The following GNB5 variants were observed in gnomAD, a reference collection of about 807,000 sequenced individuals.
GNB5 encodes the protein guanine nucleotide-binding protein subunit beta-5.
GNB5 carries 37 observed loss-of-function variants against 55.3 expected under a neutral mutation model. The observed-to-expected ratio is 0.67, with a 90% CI of 0.51 to 0.88. The LOEUF is 0.88. Ranked by LOEUF, GNB5 falls within the 40% of genes least tolerant of loss-of-function variation. The probability of loss-of-function intolerance (pLI) is 0.00; values close to 1 mark genes in which losing one functional copy is unlikely to be tolerated. For missense variants in GNB5, 476 were observed against 515.3 expected, an observed-to-expected ratio of 0.92 and a Z score of 0.74; for synonymous variants, 219 against 198.5, an observed-to-expected ratio of 1.10 and a Z score of -0.87.
At chr15:52,181,482 G>A (rs977015624) in intron 2 of GNB5, among the ~76,000 whole-genome samples, 1 of 152,122 alleles carries the variant, frequency 6.6e-6, no homozygotes, top group Non-Finnish European at 1.5e-5. Context: ...CGGGCGTGGT[G>A]GTACGTGCCT....
chr15:52,115,492 C>T lies in GNB5; in HGVS notation c.*7265G>A, dbSNP rs2033129883. 2 of 152,188 alleles carry T rather than the reference C, an allele frequency of 1.3e-5. No individual in the cohort carries two copies. Among genetic ancestry groups the T allele is most frequent in the African/African-American group, 2.4e-5 (1 of 41,444 alleles). The allele number at this position is 152,188 out of a possible 1,614,324, so 9.4% of individuals were successfully genotyped here. On this transcript the variant is annotated 3_prime_UTR_variant, in exon 13 of 13. Coordinates refer to ENST00000261837, the MANE Select transcript of GNB5 (RefSeq NM_016194.4). ...ATCGGTATATACAAAGTGCTTAGCACAGTACCTGGCACACAGTAAAAGGTT... is the reference window on the plus strand; with the variant it reads ...ATCGGTATATACAAAGTGCTTAGCATAGTACCTGGCACACAGTAAAAGGTT...
At chr15:52,168,949 C>T (rs936647523) in intron 3 of GNB5, among the ~76,000 whole-genome samples, 1 of 152,222 alleles carries the variant, frequency 6.6e-6, no homozygotes, top group African/African-American at 2.4e-5. Flanking sequence ...CCCTTCCTTA[C>T]ACCTTATACA....
At chr15:52,158,950 T>C (rs1256895351) in intron 3 of GNB5, among the ~76,000 whole-genome samples, 1 of 152,062 alleles carries the variant, frequency 6.6e-6, no homozygotes, top group Non-Finnish European at 1.5e-5. Flanking sequence ...GAAGCTTCTG[T>C]CCCAGAGGGT....
rs1198802495 is a variant in GNB5, at chr15:52,174,856, TG to T, written c.238+4911del. 2.6e-5 allele frequency among the ~76,000 whole-genome samples: 4 copies of T among 151,328 alleles called. No individual in the cohort carries two copies. In the East Asian group the frequency reaches 7.8e-4, roughly 29 times the overall value. ...CAGAACTTTGGGAGGCTGAGGCGGG[TG>T]GATCACCTAAAGTCAGGAGTTCGAG... On this transcript the variant is annotated intron_variant, in intron 3 of 12. Coordinates refer to ENST00000261837, the MANE Select transcript of GNB5 (RefSeq NM_016194.4).
intron 8 of GNB5, among the ~76,000 whole-genome samples, chr15:52,134,254 A>G (rs1291122856): frequency 6.6e-6 from 1 of 152,232 alleles, no homozygotes; most frequent in Non-Finnish European, 1.5e-5. Context: ...TAAGTAGTAG[A>G]ATGTGGACTC....
intron 3 of GNB5, among the ~76,000 whole-genome samples, chr15:52,156,181 T>C (rs2034203839): frequency 6.6e-6 from 1 of 152,242 alleles, no homozygotes; most frequent in Non-Finnish European, 1.5e-5. Context: ...ACTAATACTA[T>C]TGACTTTGAT....
At chr15:52,135,823 G>T in intron 7 of GNB5, 67 bp from the exon 8 acceptor site, 2 of 1,514,800 alleles carry the variant, frequency 1.3e-6, no homozygotes. Context: ...CAGTCAATCA[G>T]AGGCTTAACG....
At chr15:52,181,181 CTCTA>C (rs1332324342) in intron 2 of GNB5, 4 of 152,266 alleles carry the variant, frequency 2.6e-5, no homozygotes, top group African/African-American at 7.2e-5. Flanking sequence ...CCCGGGCCTT[CTCTA>C]TCTGAGAAAA....
chr15:52,163,902 C>G (rs1039395830), intron 3 of GNB5, among the ~76,000 whole-genome samples: 3 of 152,154 alleles, frequency 2.0e-5, no homozygotes, highest in African/African-American at 7.2e-5. Context: ...TGCTGTTTTG[C>G]AGCCTTCACT....
At chr15:52,141,053 A>C in intron 7 of GNB5, 87 bp downstream of exon 7, 2 of 1,147,418 alleles carry the variant, frequency 1.7e-6, no homozygotes, top group South Asian at 2.6e-5. Flanking sequence ...CATCTTGTTC[A>C]GAGAGACGCC....
chr15:52,127,980 A>G (rs1054566760), intron 10 of GNB5, among the ~76,000 whole-genome samples: 1 of 152,206 alleles, frequency 6.6e-6, no homozygotes, highest in African/African-American at 2.4e-5. Context: ...CCAAATTATA[A>G]AGCATTTTGT....
chr15:52,166,713 T>C (rs2034458372), intron 3 of GNB5, among the ~76,000 whole-genome samples: 1 of 152,140 alleles, frequency 6.6e-6, no homozygotes, highest in African/African-American at 2.4e-5. Context: ...TAGCACTAAA[T>C]GTCTATATTA....
intron 8 of GNB5, among the ~76,000 whole-genome samples, chr15:52,134,199 G>A (rs1218095076): frequency 6.6e-6 from 1 of 152,216 alleles, no homozygotes; most frequent in Non-Finnish European, 1.5e-5. Context: ...CAAGGCTCTG[G>A]GAGTAGTTTG....
chr15:52,146,147 C>T (rs897310219), intron 6 of GNB5, among the ~76,000 whole-genome samples: 7 of 151,866 alleles, frequency 4.6e-5, no homozygotes, highest in Non-Finnish European at 8.8e-5. Context: ...TTAGTAGAGA[C>T]GGGGTTTCAC....
chr15:52,190,501 A>G (rs896914528), intron 1 of GNB5, among the ~76,000 whole-genome samples: 3 of 152,330 alleles, frequency 2.0e-5, no homozygotes, highest in East Asian at 1.9e-4. Context: ...ACATATAAAA[A>G]GGTGCTCATT....
chr15:52,133,291 T>C, intron 9 of GNB5, 87 bp downstream of exon 9: 1 of 867,790 alleles, frequency 1.2e-6, no homozygotes, highest in Non-Finnish European at 1.9e-6. Context: ...GTAAACTGAG[T>C]CTGGAGGCGG....
intron 7 of GNB5, chr15:52,139,726 CAGGCCGCGTCCCCGCCGAGGT>C: frequency 9.3e-7 from 1 of 1,080,998 alleles, no homozygotes; most frequent in Non-Finnish European, 1.2e-6. Context: ...CCCTGCCTCC[CAGGCCGCGTCCCCGCCGAGGT>C]AGCCAGCTGT....
In GNB5 at chr15:52,125,972, A is replaced by T. The variant is rs2033414535; in HGVS notation, c.985T>A (p.Ser329Thr). 1 of 1,549,536 alleles carries T rather than the reference A, an allele frequency of 6.5e-7. No homozygotes were observed. The highest frequency in any genetic ancestry group is 2.2e-5 in the East Asian group (1 of 44,552). The change falls in exon 11 of 13, where the codon TCC becomes ACC. Residue 329 changes from serine (S) to threonine (T), a missense_variant. Coordinates refer to ENST00000261837, the MANE Select transcript of GNB5 (RefSeq NM_016194.4). The part of the protein sequence containing the change: ...YSKESIIFGA[S>T]SVDFSLSGRL... ...CCACTGAGGGAGAAGTCCACGCTGGATGCTCCAAATATGATGCTTTCTTTG... is the reference window on the plus strand; with the variant it reads ...CCACTGAGGGAGAAGTCCACGCTGGTTGCTCCAAATATGATGCTTTCTTTG...
Position 52,121,779 on chromosome 15 carries a change from A to G in GNB5, c.*978T>C, listed in dbSNP as rs3208908. On this transcript the variant is annotated 3_prime_UTR_variant, in exon 13 of 13. Coordinates refer to ENST00000261837, the MANE Select transcript of GNB5 (RefSeq NM_016194.4). Reference sequence around the variant, plus strand: ...CCACCACGCCCGGCTAATTTTTTGTATTTTTTAGTAGAGACAGGGTTTCAC... The same window carrying G: ...CCACCACGCCCGGCTAATTTTTTGTGTTTTTTAGTAGAGACAGGGTTTCAC... 6.6e-6 allele frequency: 1 copy of G among 151,544 alleles called. No individual in the cohort carries two copies. Among genetic ancestry groups the G allele is most frequent in the South Asian group, 2.1e-4 (1 of 4,780 alleles). 9.4% of individuals were successfully genotyped at this position (151,544 alleles called of 1,614,324 possible). A position where few individuals can be genotyped will look rare whatever the true frequency, so the allele number is the denominator to read the frequency against.
Sources: gnomAD v4.1 joint callset for allele counts (sites outside exome capture counted in the v4.1 genomes callset) on GRCh38, gnomAD v4.1.1 for gene constraint, MANE v1.5 for transcripts, NCBI Gene and HGNC (gene_info 2026-07-23, HGNC 2026-07-21) for gene names.